Variants in CRHR2 observed in about 807,000 individuals in gnomAD.
The protein encoded by CRHR2 is corticotropin releasing hormone receptor 2.
CRHR2 carries 53 observed loss-of-function variants against 57.9 expected under a neutral mutation model. That is an observed-to-expected ratio of 0.92 (90% CI 0.73 to 1.15). The LOEUF is 1.15. Among genes scored for constraint, CRHR2 ranks in the 50% most tolerant of loss-of-function variants. The probability of loss-of-function intolerance (pLI) is 0.00; values close to 1 mark genes in which losing one functional copy is unlikely to be tolerated. For missense variants in CRHR2, 532 were observed against 542.6 expected, an observed-to-expected ratio of 0.98 and a Z score of 0.19; for synonymous variants, 213 against 220.9, an observed-to-expected ratio of 0.96 and a Z score of 0.32.
upstream of CRHR2, chr7:30,686,388 C>A: frequency 6.5e-7 from 1 of 1,530,468 alleles, no homozygotes; most frequent in Non-Finnish European, 8.7e-7. Context: ...AGGACAGATA[C>A]CTTGGCAGAA....
chr7:30,655,774 T>G, intron 9 of CRHR2, 59 bp from the exon 10 acceptor site: 1 of 1,591,824 alleles, frequency 6.3e-7, no homozygotes, highest in Non-Finnish European at 8.6e-7. Flanking sequence ...CCTCACCCAG[T>G]GGGCGGCGGG....
Position 30,655,055 on chromosome 7 carries a change from CAGT to C in CRHR2, c.1076_1078del (p.Tyr359del). The C allele has an allele frequency of 6.2e-7, 1 of 1,613,530 alleles. No homozygotes were observed. ...GCTTCATACCTCTCCATTGAAGAAG[CAGT>C]AGAAGACAGACACGAAGAAACCCTG... On this transcript the variant is annotated inframe_deletion, in exon 11 of 12. Transcript: ENST00000471646.
chr7:30,686,429 A>C (rs187661213), upstream of CRHR2: 4,221 of 1,533,516 alleles, frequency 2.8e-3, 55 homozygotes, highest in Middle Eastern at 0.029. Flanking sequence ...CCCTGTCTTC[A>C]GGCCAAGGCT....
At chr7:30,686,099 A>G (rs1293793002), upstream of CRHR2, among the ~76,000 whole-genome samples, 10 of 152,168 alleles carry the variant, frequency 6.6e-5, no homozygotes, top group Admixed American at 6.5e-4. Context: ...GCCCTCCAGA[A>G]CAATGTGTCA....
chr7:30,671,843 A>G (rs146748759), intron 2 of CRHR2, among the ~76,000 whole-genome samples: 45 of 100,846 alleles, frequency 4.5e-4, no homozygotes, highest in Admixed American at 1.8e-3. Context: ...TGATGATGAT[A>G]ATGATGATGA....
rs200774304 is a variant in CRHR2, at chr7:30,682,058, C to T, written c.104-18G>A. 3 of 1,568,728 alleles carry T rather than the reference C, an allele frequency of 1.9e-6. No homozygotes were observed. Among genetic ancestry groups the T allele is most frequent in the African/African-American group, 2.7e-5 (2 of 73,962 alleles). On this transcript the variant is annotated intron_variant, in intron 1 of 11. Coordinates refer to ENST00000471646, the MANE Select transcript of CRHR2 (RefSeq NM_001883.5). ...GTAGGGACCTGGCGGCGGGAGAGAG[C>T]GCAGTAGGGCTCAGAGGGGCCCGCA...
intron 2 of CRHR2, among the ~76,000 whole-genome samples, chr7:30,676,008 G>T (rs1784505099): frequency 6.6e-6 from 1 of 152,222 alleles, no homozygotes; most frequent in Non-Finnish European, 1.5e-5. Context: ...AGATCAAGAT[G>T]CATGCAGAGG....
chr7:30,695,809 G>A (rs1046051232), intron 1 of CRHR2, among the ~76,000 whole-genome samples: 6 of 152,146 alleles, frequency 3.9e-5, no homozygotes, highest in African/African-American at 9.7e-5. Flanking sequence ...GCTGTGGGCC[G>A]GAATCCTGGT....
At chr7:30,686,576 A>G (rs1373926409), upstream of CRHR2, 1 of 1,492,088 alleles carries the variant, frequency 6.7e-7, no homozygotes, top group Admixed American at 2.0e-5. Flanking sequence ...GGGGAAGCCA[A>G]GGTAGGCAGA....
exon 2 of CRHR2, chr7:30,689,247 AG>A (rs1049113030): frequency 6.5e-7 from 1 of 1,550,334 alleles, no homozygotes; most frequent in African/African-American, 1.4e-5. Flanking sequence ...AAGTGCCCAC[AG>A]GGGCTGGTCT....
chr7:30,686,246 C>T, upstream of CRHR2: 1 of 1,189,728 alleles, frequency 8.4e-7, no homozygotes, highest in Non-Finnish European at 1.1e-6. Context: ...ATGTCACATC[C>T]AGGTTGCTTT....
At chr7:30,697,846 C>G (rs552043937) in intron 1 of CRHR2, 1 of 152,548 alleles carries the variant, frequency 6.6e-6, no homozygotes, top group South Asian at 2.1e-4. Context: ...CCAGGCTCCC[C>G]CATCCTGTCA....
chr7:30,654,890 A>G, intron 11 of CRHR2, 149 bp downstream of exon 11: 5 of 1,550,970 alleles, frequency 3.2e-6, no homozygotes, highest in Non-Finnish European at 4.4e-6. Flanking sequence ...CCCTGTGAGA[A>G]GGATTCCTGT....
At chr7:30,683,343 G>C (rs755590221), upstream of CRHR2, among the ~76,000 whole-genome samples, 15 of 152,200 alleles carry the variant, frequency 9.9e-5, no homozygotes, top group Non-Finnish European at 1.3e-4. Context: ...CACCAGTAGC[G>C]GGGCAGGGGC....
Position 30,662,227 on chromosome 7 carries a change from G to C in CRHR2, c.698-11C>G. 3 of 1,614,110 alleles carry C rather than the reference G, an allele frequency of 1.9e-6. No homozygotes were observed. The highest frequency in any genetic ancestry group is 1.7e-6 in the Non-Finnish European group (2 of 1,179,982). ...TGGGGAAGGGGATGCCTGAAAGAAG[G>C]AAAGACTTGGGCTGCAGGGGACAGA... On this transcript the variant is annotated splice_polypyrimidine_tract_variant and intron_variant, in intron 6 of 11. Transcript: ENST00000471646.
intron 7 of CRHR2, among the ~76,000 whole-genome samples, chr7:30,661,704 G>A (rs1392491192): frequency 6.6e-6 from 1 of 152,094 alleles, no homozygotes; most frequent in Non-Finnish European, 1.5e-5. Flanking sequence ...CTGGCATAGG[G>A]AGAACCTCAG....
chr7:30,692,073 T>C (rs1416711287), intron 1 of CRHR2, among the ~76,000 whole-genome samples: 1 of 152,256 alleles, frequency 6.6e-6, no homozygotes. Context: ...CTCTGAGCCT[T>C]GATCTCCTCA....
chr7:30,662,582 G>C, intron 6 of CRHR2, 112 bp downstream of exon 6: 1 of 1,330,260 alleles, frequency 7.5e-7, no homozygotes, highest in East Asian at 2.4e-5. Context: ...ACCGGACTGC[G>C]CTGGGGGTGG....
chr7:30,667,835 T>C (rs2128143356), intron 2 of CRHR2, among the ~76,000 whole-genome samples: 1 of 152,356 alleles, frequency 6.6e-6, no homozygotes, highest in East Asian at 1.9e-4. Flanking sequence ...GAGGCATTAA[T>C]ATGAACCCAT....
Sources: allele counts gnomAD v4.1 joint callset (sites outside exome capture counted in the v4.1 genomes callset), GRCh38; gene constraint gnomAD v4.1.1; transcripts MANE v1.5; gene names NCBI Gene and HGNC (gene_info 2026-07-23, HGNC 2026-07-21).